COL17A1: variants seen among roughly 807,000 people sequenced by gnomAD.
COL17A1 encodes collagen alpha-1(XVII) chain.
In COL17A1, 181 loss-of-function variants were observed where a neutral mutation model predicts 218.4. That is an observed-to-expected ratio of 0.83 (90% confidence interval 0.73 to 0.94). The LOEUF is 0.94. COL17A1 is among the 40% of genes least tolerant of loss of function. COL17A1 has a pLI of 0.00. For missense variants in COL17A1, 1,924 were observed against 1,945.9 expected, an observed-to-expected ratio of 0.99 and a Z score of 0.21; for synonymous variants, 721 against 731.0, an observed-to-expected ratio of 0.99 and a Z score of 0.22.
At chr10:104,059,450 T>C in intron 15 of COL17A1, 188 bp downstream of exon 15, 4 of 642,440 alleles carry the variant, frequency 6.2e-6, no homozygotes, top group South Asian at 5.4e-5. Flanking sequence ...AGGAAGCTTG[T>C]TGAACTGCAG....
intron 34 of COL17A1, 44 bp downstream of exon 34, chr10:104,043,781 A>T: frequency 6.2e-7 from 1 of 1,610,836 alleles, no homozygotes. Flanking sequence ...GGTGCCCAGT[A>T]TAAGAAAGAC....
In COL17A1 at chr10:104,060,381, G is replaced by C. The variant is rs1459199792; in HGVS notation, c.980-101C>G. ...GAAGGAGAAGAAAGAGAAGGAGGAG[G>C]GAGGTAAATTAGCAGGTGTGTATGA... On this transcript the variant is annotated intron_variant, in intron 13 of 55. Transcript: ENST00000648076. 4.6e-6 allele frequency: 7 copies of C among 1,512,854 alleles called. No individual in the cohort carries two copies. The East Asian group carries it at 1.6e-4, about 36-fold the overall frequency. The allele number at this position is 1,512,854 out of a possible 1,614,324, so 93.7% of individuals were successfully genotyped here.
rs570391199 is a variant in COL17A1 at position 104,085,348 on chromosome 10, G to C, written c.-12+375C>G. Among the ~76,000 whole-genome samples, 454 of 152,284 alleles carry C rather than the reference G, an allele frequency of 3.0e-3. 3 individuals are homozygous for C. The highest frequency in any genetic ancestry group is 6.8e-3 in the Middle Eastern group (2 of 294). Reference sequence around the variant, plus strand: ...GGAGAGAGAGACAGAGGGAAGAGGAGAGCAAGATAGCGAGAGAGGAAACTG... The same window carrying C: ...GGAGAGAGAGACAGAGGGAAGAGGACAGCAAGATAGCGAGAGAGGAAACTG... On this transcript the variant is annotated intron_variant, in intron 1 of 55. Transcript: ENST00000648076.
At chr10:104,060,000 A>G in intron 14 of COL17A1, 119 bp downstream of exon 14, 1 of 1,507,828 alleles carries the variant, frequency 6.6e-7, no homozygotes, top group South Asian at 1.2e-5. Context: ...GCTTTTCATT[A>G]GAATGGGATG....
intron 9 of COL17A1, among the ~76,000 whole-genome samples, chr10:104,068,520 C>T (rs950940648): frequency 1.3e-5 from 2 of 152,190 alleles, no homozygotes; most frequent in African/African-American, 4.8e-5. Context: ...ATTACATGCT[C>T]TTAACCAGGC....
In COL17A1 at chr10:104,049,273, A is replaced by ATGCC. The variant is rs879644563; in HGVS notation, c.2227+135_2227+136insGGCA. 4.7e-5 allele frequency: 37 copies of ATGCC among 786,180 alleles called. 1 individual carries two copies. In the Middle Eastern group the frequency reaches 7.0e-4, roughly 15 times the overall value. 48.7% of individuals were successfully genotyped at this position (786,180 alleles called of 1,614,324 possible). The stretch of plus-strand genomic sequence containing the variant: ...GAAAGGATGCCCAGACACAGAAATG[A>ATGCC]CTGGTCAAGGGAGACTCTACCAGGA... On this transcript the variant is annotated intron_variant, in intron 29 of 55. Transcript: ENST00000648076.
Position 104,062,323 on chromosome 10 carries a change from C to T in COL17A1, c.845G>A (p.Gly282Asp). ...GCTGGGGGCCAGATTGTTCTGCATG[C>T]CAAACACTGTGAAAGCAACCAAGGT... ...PGLSTSSSVFGMQNNLAPSLT... is the reference protein window; with the variant it reads ...PGLSTSSSVFDMQNNLAPSLT... The change falls in exon 12 of 56, where the codon GGC becomes GAC. Residue 282 changes from glycine to aspartate, a missense_variant. Gly to Asp is a moderately conservative substitution (Grantham distance 94). Coordinates refer to ENST00000648076, the MANE Select transcript of COL17A1 (RefSeq NM_000494.4). 6.2e-7 allele frequency: 1 copy of T among 1,614,216 alleles called. No homozygotes were observed. Among genetic ancestry groups the T allele is most frequent in the Non-Finnish European group, 8.5e-7 (1 of 1,180,046 alleles).
rs1589570301 is a variant in COL17A1 at position 104,060,175 on chromosome 10, A to G, written c.1085T>C (p.Ile362Thr). ...GACCTTCCCGCTGTCCTTGGTCATGATGAGCAGCTCCATCTCCTTCTTGGC... is the reference window on the plus strand; with the variant it reads ...GACCTTCCCGCTGTCCTTGGTCATGGTGAGCAGCTCCATCTCCTTCTTGGC... ...TPAKKEMELLIMTKDSGKVFT... is the reference protein window; with the variant it reads ...TPAKKEMELLTMTKDSGKVFT... The change falls in exon 14 of 56, where the codon ATC (isoleucine) becomes ACC (threonine). Residue 362 changes from isoleucine to threonine, a missense_variant. By Grantham distance (89) the Ile-to-Thr change is moderately conservative. Coordinates refer to ENST00000648076, the MANE Select transcript of COL17A1 (RefSeq NM_000494.4). The G allele has an allele frequency of 6.2e-7, 1 of 1,614,112 alleles. No individual in the cohort carries two copies. Among genetic ancestry groups the G allele is most frequent in the East Asian group, 2.2e-5 (1 of 44,880 alleles).
intron 23 of COL17A1, among the ~76,000 whole-genome samples, 189 bp downstream of exon 23, chr10:104,052,842 C>T (rs1371452871): frequency 6.6e-6 from 1 of 152,232 alleles, no homozygotes; most frequent in Non-Finnish European, 1.5e-5. Flanking sequence ...CAGCCCTAGG[C>T]CTGGCCCTGT....
chr10:104,037,731 G>T lies in COL17A1; in HGVS notation c.3113C>A (p.Pro1038Gln). Reference sequence around the variant, plus strand: ...AGGTCCTGGGGGACCAGGTGGGCCTGGGGGACCCTGAACTCCGGATAGGTA... The same window carrying T: ...AGGTCCTGGGGGACCAGGTGGGCCTTGGGGACCCTGAACTCCGGATAGGTA... ...RSYLSGVQGP[P>Q]GPPGPPGPVT... The change falls in exon 46 of 56, where the codon CCA becomes CAA. Residue 1038 changes from proline (P) to glutamine (Q), a missense_variant. Transcript: ENST00000648076. 1 of 1,614,156 alleles carries T rather than the reference G, an allele frequency of 6.2e-7. No individual in the cohort carries two copies. The highest frequency in any genetic ancestry group is 8.5e-7 in the Non-Finnish European group (1 of 1,180,002).
chr10:104,033,662 C>G (rs1016862955), intron 52 of COL17A1, among the ~76,000 whole-genome samples: 7 of 152,196 alleles, frequency 4.6e-5, no homozygotes, highest in Admixed American at 4.6e-4. Flanking sequence ...AGCAGAAAAT[C>G]CAGCATGGTC....
intron 12 of COL17A1, 31 bp downstream of exon 12, chr10:104,062,227 A>T: frequency 6.2e-7 from 1 of 1,614,212 alleles, no homozygotes; most frequent in Non-Finnish European, 8.5e-7. Flanking sequence ...GTCACTTTCC[A>T]GCGCCTAAGC....
intron 8 of COL17A1, among the ~76,000 whole-genome samples, chr10:104,071,258 A>G (rs116089381): frequency 0.016 from 2,493 of 151,900 alleles, 71 homozygotes; most frequent in African/African-American, 0.058. Context: ...CTCAACCCCA[A>G]CTCCCTTCGC....
At position 104,042,419 on chromosome 10, in the gene COL17A1, C is replaced by T. The variant is rs112151584; in HGVS notation, c.2551+1G>A. 6 of 1,614,154 alleles carry T rather than the reference C, an allele frequency of 3.7e-6. No individual in the cohort carries two copies. Among genetic ancestry groups the T allele is most frequent in the Non-Finnish European group, 5.1e-6 (6 of 1,180,010 alleles). ...TTGCATTCTTGCAGGGTGTGACATA[C>T]CTTGATGTCCTGGGAGACCAGCTGG... On this transcript the variant is annotated splice_donor_variant, in intron 36 of 55. Coordinates refer to ENST00000648076, the MANE Select transcript of COL17A1 (RefSeq NM_000494.4). LOFTEE classifies it high-confidence loss of function.
intron 17 of COL17A1, 38 bp from the exon 18 acceptor site, chr10:104,056,041 C>T (rs771428710): frequency 4.3e-6 from 7 of 1,611,252 alleles, no homozygotes; most frequent in Admixed American, 3.3e-5. Context: ...ACTGAGGGCC[C>T]GGTCCTTCGC....
At position 104,043,852 on chromosome 10, in the gene COL17A1, C is replaced by A. The variant is rs752317971; in HGVS notation, c.2407G>T (p.Gly803Ter). The A allele has an allele frequency of 4.3e-6, 7 of 1,614,070 alleles. No homozygotes were observed. The highest frequency in any genetic ancestry group is 5.9e-6 in the Non-Finnish European group (7 of 1,180,044). ...GAAGTCACGATCTTGCCTGGAGCTC[C>A]TGGTTCACCTAGGAAGAGAGGAAAA... ...PGRPGIKGEP[G>*]APGKIVTSEG... Residue 803 changes from glycine (G) to a stop codon, truncating the protein, a stop_gained, in exon 34 of 56, where the codon GGA becomes TGA. Transcript: ENST00000648076. LOFTEE classifies it high-confidence loss of function.
At chr10:104,038,703 T>C (rs2086327823) in intron 44 of COL17A1, among the ~76,000 whole-genome samples, 175 bp from the exon 45 acceptor site, 1 of 151,766 alleles carries the variant, frequency 6.6e-6, no homozygotes, top group South Asian at 2.1e-4. Context: ...TAACAGCCAC[T>C]GTCTGAAAGT....
chr10:104,031,802 C>T lies in COL17A1; in HGVS notation c.*433G>A. ...TGATGGCACAGCCTTAGAACAGTAACCAGAACACACCCCCATCAAGTGTCA... is the reference window on the plus strand; with the variant it reads ...TGATGGCACAGCCTTAGAACAGTAATCAGAACACACCCCCATCAAGTGTCA... On this transcript the variant is annotated 3_prime_UTR_variant, in exon 56 of 56. Transcript: ENST00000648076. The T allele has an allele frequency of 4.1e-6, 1 of 244,010 alleles. No individual in the cohort carries two copies. Among genetic ancestry groups the T allele is most frequent in the Non-Finnish European group, 8.1e-6 (1 of 122,782 alleles). 15.1% of individuals were successfully genotyped at this position (244,010 alleles called of 1,614,324 possible).
chr10:104,036,089 A>AGTGTGAGTATGG (rs2086290163), intron 48 of COL17A1, among the ~76,000 whole-genome samples: 3 of 1,518 alleles, frequency 2.0e-3, no homozygotes, highest in African/African-American at 2.6e-3. Context: ...TGTGTATGGG[A>AGTGTGAGTATGG]GTGTGTGTGT....
Sources: gnomAD v4.1 joint callset for allele counts (sites outside exome capture counted in the v4.1 genomes callset) on GRCh38, gnomAD v4.1.1 for gene constraint, MANE v1.5 for transcripts, NCBI Gene and HGNC (gene_info 2026-07-23, HGNC 2026-07-21) for gene names.